The following RP1 variants were observed in gnomAD, a reference collection of about 807,000 sequenced individuals.
RP1 encodes oxygen-regulated protein 1.
RP1 carries 16 observed loss-of-function variants against 14.8 expected under a neutral mutation model. That is an observed-to-expected ratio of 1.08 (90% CI 0.73 to 1.65). The LOEUF (loss-of-function observed/expected upper bound fraction) is 1.65, where lower values mean the gene tolerates loss of function less well. Among genes scored for constraint, RP1 ranks in the 40% most tolerant of loss-of-function variants. The probability of loss-of-function intolerance (pLI) is 0.00; values close to 1 mark genes in which losing one functional copy is unlikely to be tolerated. For synonymous variants in RP1, 876 were observed against 883.6 expected (o/e 0.99, Z 0.15); for missense variants, 2,631 against 2,535.0 (o/e 1.04, Z -0.81).
chr8:54,642,139 A>G (rs1019492599), intron 3 of RP1, among the ~76,000 whole-genome samples: 2 of 152,212 alleles, frequency 1.3e-5, no homozygotes, highest in Non-Finnish European at 2.9e-5. Flanking sequence ...CAGTTTACAT[A>G]TGATTATTAG....
intron 24 of RP1, among the ~76,000 whole-genome samples, chr8:54,806,263 C>T (rs751154129): frequency 4.6e-5 from 7 of 152,076 alleles, no homozygotes; most frequent in East Asian, 1.9e-4. Context: ...GTGATCCACC[C>T]GTCTTGGCCT....
At chr8:54,606,393 G>A (rs9692916) in intron 1 of RP1, among the ~76,000 whole-genome samples, 64,225 of 149,850 alleles carry the variant, frequency 0.43, 15,152 homozygotes, top group African/African-American at 0.59. Context: ...TGGCTTGTAG[G>A]GTTTCTGCCG....
At chr8:54,831,152 G>T (rs1232209589) in intron 24 of RP1, among the ~76,000 whole-genome samples, 2 of 151,978 alleles carry the variant, frequency 1.3e-5, no homozygotes, top group Admixed American at 6.6e-5. Context: ...CATAGACTTT[G>T]TTGCTCTGAA....
chr8:54,690,695 G>A (rs2129339222), intron 12 of RP1, among the ~76,000 whole-genome samples: 1 of 152,092 alleles, frequency 6.6e-6, no homozygotes, highest in Middle Eastern at 3.4e-3. Context: ...TAAGTATATA[G>A]TATGAAGTGT....
chr8:54,810,031 T>C (rs1810951899), intron 24 of RP1, among the ~76,000 whole-genome samples: 1 of 152,224 alleles, frequency 6.6e-6, no homozygotes. Context: ...AGTATGCCTA[T>C]GTGTCTAGAG....
At chr8:54,807,628 G>GTCTA (rs1810885035) in intron 24 of RP1, among the ~76,000 whole-genome samples, 2 of 145,712 alleles carry the variant, frequency 1.4e-5, no homozygotes, top group Non-Finnish European at 3.0e-5. Context: ...CTACCTGTCT[G>GTCTA]TCTGTCTATC....
chr8:54,649,074 A>G, exon 4 of RP1: 1 of 1,532,758 alleles, frequency 6.5e-7, no homozygotes, highest in Non-Finnish European at 8.7e-7. Flanking sequence ...TGGACAACAT[A>G]GAAGTTCAGC....
In RP1 at chr8:54,627,330, G is replaced by T. The variant is rs1455519223; in HGVS notation, c.3448G>T (p.Ala1150Ser). The part of the protein sequence containing the change: ...GSMNSFCQVD[A>S]HKATNKSSET... ...TATGAATAGCTTCTGTCAAGTTGAT[G>T]CTCACAAGGCTACCAACAAATCTTC... The change falls in exon 4 of 4, where the codon GCT (alanine) becomes TCT (serine). Residue 1150 changes from alanine (A) to serine (S), a missense_variant. Coordinates refer to ENST00000220676, the MANE Select transcript of RP1 (RefSeq NM_006269.2). 6.2e-7 allele frequency: 1 copy of T among 1,614,016 alleles called. No homozygotes were observed. Among genetic ancestry groups the T allele is most frequent in the Non-Finnish European group, 8.5e-7 (1 of 1,179,992 alleles).
intron 24 of RP1, among the ~76,000 whole-genome samples, chr8:54,809,737 C>T (rs1052823967): frequency 6.6e-6 from 1 of 152,186 alleles, no homozygotes; most frequent in East Asian, 1.9e-4. Flanking sequence ...TACATGCATG[C>T]CATTTGCCAT....
At chr8:54,857,705 C>G (rs1034932241) in intron 27 of RP1, among the ~76,000 whole-genome samples, 1 of 152,098 alleles carries the variant, frequency 6.6e-6, no homozygotes, top group Non-Finnish European at 1.5e-5. Flanking sequence ...AGTTGCATGT[C>G]TGTTGTGTCT....
intron 6 of RP1, among the ~76,000 whole-genome samples, chr8:54,661,370 T>G (rs1232818729): frequency 2.0e-5 from 3 of 149,856 alleles, no homozygotes; most frequent in Non-Finnish European, 4.4e-5. Context: ...TCCCAGCTAG[T>G]CAGGAGCCTG....
intron 1 of RP1, 107 bp from the exon 2 acceptor site, chr8:54,620,848 C>A (rs1321021821): frequency 8.1e-6 from 9 of 1,107,576 alleles, no homozygotes; most frequent in Non-Finnish European, 1.2e-5. Flanking sequence ...AAAGAATAAA[C>A]TTCTGTGAAT....
intron 3 of RP1, among the ~76,000 whole-genome samples, chr8:54,635,864 G>GGGATATTAGA (rs770373757): frequency 3.9e-5 from 6 of 152,094 alleles, no homozygotes; most frequent in African/African-American, 9.7e-5. Flanking sequence ...CCACAAGAAA[G>GGGATATTAGA]CCTAAGGGAT....
chr8:54,849,349 A>C (rs982818891), intron 25 of RP1, among the ~76,000 whole-genome samples: 4 of 152,204 alleles, frequency 2.6e-5, no homozygotes, highest in African/African-American at 9.7e-5. Context: ...CTGGAAAAAA[A>C]AAATTAAGTC....
chr8:54,662,897 G>A (rs1344469924), intron 6 of RP1, among the ~76,000 whole-genome samples: 2 of 152,138 alleles, frequency 1.3e-5, no homozygotes, highest in Non-Finnish European at 2.9e-5. Flanking sequence ...GATGGTGTGG[G>A]TTACTCCATA....
At chr8:54,643,185 A>G (rs1261079534) in intron 3 of RP1, among the ~76,000 whole-genome samples, 1 of 152,138 alleles carries the variant, frequency 6.6e-6, no homozygotes, top group East Asian at 1.9e-4. Context: ...AGTTTTGTTT[A>G]TTAATGTTGA....
rs190484195 is a variant in RP1, at chr8:54,622,199, A to G, written c.698A>G (p.Asp233Gly). Reference sequence around the variant, plus strand: ...GAGCCATTTAAACCAGGAAATTATGACATCCAAAAATACTTGCTTCCTGCT... The same window carrying G: ...GAGCCATTTAAACCAGGAAATTATGGCATCCAAAAATACTTGCTTCCTGCT... ...GREPFKPGNY[D>G]IQKYLLPARL... Residue 233 changes from aspartate (D) to glycine (G), a missense_variant, in exon 3 of 4, where the codon GAC (aspartate) becomes GGC (glycine). Coordinates refer to ENST00000220676, the MANE Select transcript of RP1 (RefSeq NM_006269.2). 82 of 1,614,212 alleles carry G rather than the reference A, an allele frequency of 5.1e-5. No individual in the cohort carries two copies. In the Admixed American group the frequency reaches 1.1e-3, roughly 22 times the overall value.
intron 23 of RP1, among the ~76,000 whole-genome samples, chr8:54,780,500 G>A (rs559934749): frequency 6.6e-6 from 1 of 152,276 alleles, no homozygotes; most frequent in African/African-American, 2.4e-5. Context: ...AATTCCAATT[G>A]TTGGCCTACA....
At chr8:54,576,971 T>C (rs887095599) in intron 1 of RP1, among the ~76,000 whole-genome samples, 5 of 152,234 alleles carry the variant, frequency 3.3e-5, no homozygotes, top group Non-Finnish European at 7.3e-5. Flanking sequence ...CTGTTATTTG[T>C]AGTTGCTCTA....
Sources: allele counts gnomAD v4.1 joint callset (sites outside exome capture counted in the v4.1 genomes callset), GRCh38; gene constraint gnomAD v4.1.1; transcripts MANE v1.5; gene names NCBI Gene and HGNC (gene_info 2026-07-23, HGNC 2026-07-21).